TP53BP1: variants seen among roughly 807,000 people sequenced by gnomAD.
TP53BP1 encodes TP53-binding protein 1.
A neutral mutation model predicts 200.8 loss-of-function variants in TP53BP1; 61 were observed. The observed-to-expected ratio is 0.30, with a 90% confidence interval of 0.25 to 0.38. The LOEUF (loss-of-function observed/expected upper bound fraction) is 0.38. TP53BP1 is among the 10% of genes least tolerant of loss of function. The probability of loss-of-function intolerance (pLI) is 1.00; values close to 1 mark genes in which losing one functional copy is unlikely to be tolerated. For missense variants in TP53BP1, 2,144 were observed against 2,371.9 expected, an observed-to-expected ratio of 0.90 and a Z score of 2.00; for synonymous variants, 822 against 844.3, an observed-to-expected ratio of 0.97 and a Z score of 0.46.
At chr15:43,459,660 C>A (rs2046383532) in intron 11 of TP53BP1, among the ~76,000 whole-genome samples, 2 of 150,850 alleles carry the variant, frequency 1.3e-5, no homozygotes, top group South Asian at 4.2e-4. Flanking sequence ...GCATGAAATT[C>A]TTTTTTTTCT....
rs1036638060 is a variant in TP53BP1 at position 43,480,780 on chromosome 15, C to A, written c.499+115G>T. ...TACTAGCAAATTTCTTAATGACTCT[C>A]AATTTAATTATGAGAAATCTGCAAC... On this transcript the variant is annotated intron_variant, in intron 5 of 27. Transcript: ENST00000382044. 1.7e-5 allele frequency: 20 copies of A among 1,184,670 alleles called. No homozygotes were observed. In the Admixed American group the frequency reaches 4.5e-4, roughly 27 times the overall value. 73.4% of individuals were successfully genotyped at this position (1,184,670 alleles called of 1,614,324 possible). A position where few individuals can be genotyped will look rare whatever the true frequency, so the allele number is the denominator to read the frequency against.
At chr15:43,459,011 G>GC (rs1170923265) in intron 11 of TP53BP1, among the ~76,000 whole-genome samples, 1 of 152,068 alleles carries the variant, frequency 6.6e-6, no homozygotes, top group Non-Finnish European at 1.5e-5. Context: ...AGAAAGATGT[G>GC]CATCCAAATG....
At chr15:43,488,581 A>G (rs1259479345) in intron 4 of TP53BP1, among the ~76,000 whole-genome samples, 1 of 152,170 alleles carries the variant, frequency 6.6e-6, no homozygotes, top group Non-Finnish European at 1.5e-5. Flanking sequence ...AAAGAAGTAA[A>G]ACAGGAAATG....
intron 26 of TP53BP1, 92 bp downstream of exon 26, chr15:43,408,805 T>C: frequency 4.6e-6 from 6 of 1,296,516 alleles, no homozygotes; most frequent in Non-Finnish European, 6.6e-6. Flanking sequence ...TTCCAATTTC[T>C]AGAAAGCTTT....
At chr15:43,424,072 A>C (rs1299349445) in intron 18 of TP53BP1, among the ~76,000 whole-genome samples, 1 of 152,182 alleles carries the variant, frequency 6.6e-6, no homozygotes, top group Non-Finnish European at 1.5e-5. Flanking sequence ...GATCCAAAAC[A>C]ATCTGTGATC....
At chr15:43,473,260 G>C in intron 10 of TP53BP1, among the ~76,000 whole-genome samples, 1 of 152,240 alleles carries the variant, frequency 6.6e-6, no homozygotes, top group Non-Finnish European at 1.5e-5. Context: ...ACCCGAGCGG[G>C]TTGCCACTGC....
chr15:43,458,774 ACT>A (rs2046360537), intron 11 of TP53BP1, among the ~76,000 whole-genome samples: 1 of 146,696 alleles, frequency 6.8e-6, no homozygotes, highest in East Asian at 2.0e-4. Flanking sequence ...ACAGAGAAAG[ACT>A]CTGTCCCAAA....
At chr15:43,460,118 C>T (rs1430878524) in intron 11 of TP53BP1, among the ~76,000 whole-genome samples, 3 of 152,070 alleles carry the variant, frequency 2.0e-5, no homozygotes, top group Non-Finnish European at 4.4e-5. Flanking sequence ...GTAACCAATA[C>T]TTCAATATTT....
upstream of TP53BP1, among the ~76,000 whole-genome samples, chr15:43,494,661 G>A (rs929612042): frequency 2.0e-5 from 3 of 152,108 alleles, no homozygotes; most frequent in South Asian, 6.2e-4. Context: ...AATACTTAAA[G>A]ACCAGGTTAG....
At chr15:43,447,300 T>C (rs775391625) in intron 13 of TP53BP1, 66 bp downstream of exon 13, 3 of 1,521,296 alleles carry the variant, frequency 2.0e-6, no homozygotes, top group Non-Finnish European at 2.7e-6. Context: ...ATCTAAAATA[T>C]CACTTGTGTA....
At chr15:43,424,724 G>A (rs1286607659) in intron 18 of TP53BP1, among the ~76,000 whole-genome samples, 1 of 152,180 alleles carries the variant, frequency 6.6e-6, no homozygotes, top group Non-Finnish European at 1.5e-5. Flanking sequence ...CTTACTAGAG[G>A]ACTTCTTAGA....
chr15:43,495,495 T>TCACACACACACACACACACA (rs376410840), upstream of TP53BP1, among the ~76,000 whole-genome samples: 20 of 133,454 alleles, frequency 1.5e-4, no homozygotes, highest in African/African-American at 4.7e-4. Context: ...TGAGACTCCG[T>TCACACACACACACACACACA]CACACACACA....
intron 18 of TP53BP1, among the ~76,000 whole-genome samples, chr15:43,427,017 C>CAAAAAA (rs1230749433): frequency 1.5e-5 from 1 of 67,666 alleles, no homozygotes; most frequent in Non-Finnish European, 3.0e-5. Context: ...GACTCTGCCT[C>CAAAAAA]AAAAAAAAAA....
chr15:43,482,448 C>G (rs1249849730), intron 4 of TP53BP1, among the ~76,000 whole-genome samples: 1 of 151,834 alleles, frequency 6.6e-6, no homozygotes, highest in Admixed American at 6.6e-5. Flanking sequence ...GCACGGCCAA[C>G]ATGGTGCAAC....
Position 43,408,519 on chromosome 15 carries a change from C to CT in TP53BP1, c.5600+377dup, listed in dbSNP as rs45549038. ...CTATATTAGGGTCCCCCTTCTCTTC[C>CT]TTCTTTCTATGAATGATCTGTATTC... On this transcript the variant is annotated intron_variant, in intron 26 of 27. Coordinates refer to ENST00000382044, the MANE Select transcript of TP53BP1 (RefSeq NM_001141980.3). The CT allele has an allele frequency of 4.0e-3, 1,082 of 269,572 alleles. 10 individuals are homozygous for CT. Among genetic ancestry groups the CT allele is most frequent in the African/African-American group, 0.022 (1,008 of 45,682 alleles). 16.7% of individuals were successfully genotyped at this position (269,572 alleles called of 1,614,324 possible).
intron 23 of TP53BP1, among the ~76,000 whole-genome samples, chr15:43,413,811 T>C (rs1378665622): frequency 6.6e-6 from 1 of 152,132 alleles, no homozygotes; most frequent in Non-Finnish European, 1.5e-5. Context: ...CCAACACTTT[T>C]TTATTATCAA....
chr15:43,500,288 A>C (rs1299766661), intron 1 of TP53BP1, among the ~76,000 whole-genome samples: 3 of 152,242 alleles, frequency 2.0e-5, no homozygotes, highest in Non-Finnish European at 4.4e-5. Flanking sequence ...CTTATAACAA[A>C]AAGCTTGAAG....
chr15:43,425,847 C>T (rs1163492004), intron 18 of TP53BP1, among the ~76,000 whole-genome samples: 3 of 152,056 alleles, frequency 2.0e-5, no homozygotes, highest in Non-Finnish European at 4.4e-5. Flanking sequence ...AGGCGGATCA[C>T]GAGGTCAGGA....
intron 21 of TP53BP1, among the ~76,000 whole-genome samples, chr15:43,419,854 G>A (rs1048142778): frequency 1.3e-5 from 2 of 152,048 alleles, no homozygotes; most frequent in Non-Finnish European, 2.9e-5. Context: ...CAGACCAAAG[G>A]GTATGTGATG....
Sources: gnomAD v4.1 joint callset for allele counts (sites outside exome capture counted in the v4.1 genomes callset) on GRCh38, gnomAD v4.1.1 for gene constraint, MANE v1.5 for transcripts, NCBI Gene and HGNC (gene_info 2026-07-23, HGNC 2026-07-21) for gene names.